ZNF503: variants seen among roughly 807,000 people sequenced by gnomAD.
The protein encoded by ZNF503 is NocA-like zinc finger 2.
ZNF503 carries 15 observed loss-of-function variants against 34.4 expected under a neutral mutation model. The observed-to-expected ratio is 0.44, with a 90% CI of 0.29 to 0.67. The LOEUF is 0.67. Ranked by LOEUF, ZNF503 falls within the 30% of genes least tolerant of loss-of-function variation. The pLI, the probability that ZNF503 is intolerant of heterozygous loss-of-function variation, is 0.13. For synonymous variants in ZNF503, 580 were observed against 456.8 expected (o/e 1.27, Z -3.44); for missense variants, 1,007 against 926.8 (o/e 1.09, Z -1.12).
chr10:75,379,560 A>G, the ZNF503 span, among the ~76,000 whole-genome samples: 422 of 152,234 alleles, frequency 2.8e-3, no homozygotes, highest in Non-Finnish European at 4.7e-3. Flanking sequence ...GCTGGGATGG[A>G]TTTTAGCAGT....
chr10:75,282,150 G>T, the ZNF503 span, among the ~76,000 whole-genome samples: 1 of 152,346 alleles, frequency 6.6e-6, no homozygotes, highest in Non-Finnish European at 1.5e-5. Flanking sequence ...GCAGTCCCAG[G>T]AGGTGAATCA....
the ZNF503 span, among the ~76,000 whole-genome samples, chr10:75,334,200 C>T: frequency 6.6e-6 from 1 of 151,758 alleles, no homozygotes; most frequent in Non-Finnish European, 1.5e-5. Flanking sequence ...TGCTCCTTGC[C>T]CTCGGGCCCC....
downstream of ZNF503, among the ~76,000 whole-genome samples, chr10:75,395,588 G>A (rs970290504): frequency 2.6e-5 from 4 of 152,072 alleles, no homozygotes; most frequent in Admixed American, 6.5e-5. This position sits in a 1 kb window ranked among gnomAD's most constrained non-coding sequence, Gnocchi z 4.4. Flanking sequence ...GAGTCGGGGG[G>A]CGCGCCTTGG....
chr10:75,370,429 C>T, the ZNF503 span, among the ~76,000 whole-genome samples: 3 of 152,242 alleles, frequency 2.0e-5, no homozygotes, highest in African/African-American at 4.8e-5. Flanking sequence ...CTCACAAACA[C>T]GGATGCTCAT....
chr10:75,386,765 C>T, the ZNF503 span, among the ~76,000 whole-genome samples: 4 of 152,214 alleles, frequency 2.6e-5, no homozygotes, highest in Non-Finnish European at 5.9e-5. Flanking sequence ...CTGGTCCTTC[C>T]TCCTGGATCC....
chr10:75,281,532 A>G, the ZNF503 span, among the ~76,000 whole-genome samples: 1 of 152,160 alleles, frequency 6.6e-6, no homozygotes, highest in Non-Finnish European at 1.5e-5. Flanking sequence ...CATGAGTACC[A>G]CGACTGGGGG....
chr10:75,281,376 G>C, the ZNF503 span, among the ~76,000 whole-genome samples: 2 of 152,144 alleles, frequency 1.3e-5, no homozygotes, highest in African/African-American at 4.8e-5. Flanking sequence ...GCCCAGAAAT[G>C]GCCTTTGTAA....
At chr10:75,370,778 CAAAAAAAAAAAAAAAAAAAAAA>C in the ZNF503 span, among the ~76,000 whole-genome samples, 4 of 67,972 alleles carry the variant, frequency 5.9e-5, no homozygotes, top group Admixed American at 2.2e-4. Context: ...GGCTCCATCT[CAAAAAAAAAAAAAAAAAAAAAA>C]AAAAAAAAAA....
At chr10:75,284,994 G>A in the ZNF503 span, among the ~76,000 whole-genome samples, 1 of 152,170 alleles carries the variant, frequency 6.6e-6, no homozygotes, top group Admixed American at 6.5e-5. Flanking sequence ...CAAGGTTCTT[G>A]CCCTCATGGA....
the ZNF503 span, chr10:75,382,649 T>A: frequency 2.7e-6 from 1 of 363,714 alleles, no homozygotes; most frequent in Admixed American, 3.6e-5. Context: ...CTAGAAGCAG[T>A]CTTCTACCTG....
At chr10:75,312,744 A>G in the ZNF503 span, among the ~76,000 whole-genome samples, 4 of 152,234 alleles carry the variant, frequency 2.6e-5, no homozygotes, top group Non-Finnish European at 5.9e-5. Context: ...GACAGATTAA[A>G]AAAAAACAAA....
chr10:75,303,520 C>T, the ZNF503 span, among the ~76,000 whole-genome samples: 1 of 152,254 alleles, frequency 6.6e-6, no homozygotes, highest in Admixed American at 6.5e-5. Flanking sequence ...CCTGTCCAGG[C>T]TGAACTGCTC....
At chr10:75,325,308 G>A in the ZNF503 span, among the ~76,000 whole-genome samples, 1 of 146,260 alleles carries the variant, frequency 6.8e-6, no homozygotes, top group Non-Finnish European at 1.5e-5. Flanking sequence ...CTATCTTTTT[G>A]CCAATACCAT....
the ZNF503 span, among the ~76,000 whole-genome samples, chr10:75,314,873 TG>T: frequency 2.0e-5 from 3 of 152,220 alleles, no homozygotes; most frequent in Non-Finnish European, 4.4e-5. Context: ...CTACCAGACC[TG>T]CCTTACAAAA....
At chr10:75,373,079 C>T in the ZNF503 span, among the ~76,000 whole-genome samples, 1 of 152,244 alleles carries the variant, frequency 6.6e-6, no homozygotes, top group East Asian at 1.9e-4. Context: ...CTTCTTAAGG[C>T]GCACAAGCTC....
At chr10:75,401,767 C>T (rs1589135237), upstream of ZNF503, 1 of 323,908 alleles carries the variant, frequency 3.1e-6, no homozygotes, top group East Asian at 6.6e-5. Flanking sequence ...GGGGCTCTGG[C>T]GAGGAAACTC....
the ZNF503 span, among the ~76,000 whole-genome samples, chr10:75,289,870 A>T: frequency 3.3e-5 from 5 of 152,112 alleles, no homozygotes; most frequent in Non-Finnish European, 7.4e-5. Context: ...CCAGCCTGTA[A>T]CCATTTTTAA....
chr10:75,384,937 C>G, the ZNF503 span, among the ~76,000 whole-genome samples: 222 of 152,336 alleles, frequency 1.5e-3, 3 homozygotes, highest in African/African-American at 5.3e-3. Context: ...CAAAGGTGCT[C>G]AAAGGGAACT....
In ZNF503 at chr10:75,399,891, T is replaced by A; in HGVS notation, c.799A>T (p.Thr267Ser). ...CCCCCTTCGGCCGAGGCGCCCCCGG[T>A]GCCCTTGCCACCGCCGCCCACGTCG... The part of the protein sequence containing the change: ...DTDVGGGGKG[T>S]GGASAEGGPT... The change falls in exon 2 of 2, where the codon ACC becomes TCC. Residue 267 changes from threonine to serine, a missense_variant. Physicochemically the swap from Thr to Ser is moderately conservative, Grantham distance 58 (BLOSUM62 1). Coordinates refer to ENST00000372524, the MANE Select transcript of ZNF503 (RefSeq NM_032772.6). The A allele has an allele frequency of 6.2e-7, 1 of 1,601,804 alleles. No individual in the cohort carries two copies. The highest frequency in any genetic ancestry group is 2.2e-5 in the East Asian group (1 of 44,460).
Sources: allele counts gnomAD v4.1 joint callset (sites outside exome capture counted in the v4.1 genomes callset), GRCh38; gene constraint gnomAD v4.1.1; non-coding constraint Gnocchi (gnomAD v3.1); transcripts MANE v1.5; gene names NCBI Gene and HGNC (gene_info 2026-07-23, HGNC 2026-07-21).